LYRM1: variants seen among roughly 807,000 people sequenced by gnomAD.
The protein encoded by LYRM1 is LYR motif containing 1, also known as LYR motif-containing protein 1.
In LYRM1, 14 loss-of-function variants were observed where a neutral mutation model predicts 14.9. The ratio of observed to expected loss-of-function variants is 0.94; its 90% CI spans 0.62 to 1.47. The LOEUF (loss-of-function observed/expected upper bound fraction) is 1.47, where lower values mean the gene tolerates loss of function less well. LYRM1 is among the 40% of genes most tolerant of loss of function. LYRM1 has a pLI of 0.00. For synonymous variants in LYRM1, 43 were observed against 56.2 expected (o/e 0.77, Z 1.05); for missense variants, 153 against 149.9 (o/e 1.02, Z -0.11).
intron 3 of LYRM1, among the ~76,000 whole-genome samples, chr16:20,923,368 C>T (rs1027340569): frequency 8.6e-5 from 13 of 151,642 alleles, no homozygotes; most frequent in Non-Finnish European, 1.8e-4. Flanking sequence ...GGCGTGGTGG[C>T]GAGCACCTAT....
rs1288502995 is a variant in LYRM1, at chr16:20,901,553, A to C, written c.-1+664A>C. 6.6e-6 allele frequency among the ~76,000 whole-genome samples: 1 copy of C among 152,196 alleles called. No homozygotes were observed. Among genetic ancestry groups the C allele is most frequent in the Non-Finnish European group, 1.5e-5 (1 of 68,042 alleles). On this transcript the variant is annotated intron_variant, in intron 1 of 3. Coordinates refer to ENST00000567954, the MANE Select transcript of LYRM1 (RefSeq NM_001128302.3). The surrounding 1 kb of genome is among the most constrained non-coding windows in gnomAD (Gnocchi z 4.6). ...AGAAGAGCCAATGAGAAGGACTTTTAGGTTGGAAACAGCCAGAAGGCCATG... is the reference window on the plus strand; with the variant it reads ...AGAAGAGCCAATGAGAAGGACTTTTCGGTTGGAAACAGCCAGAAGGCCATG...
At chr16:20,921,886 A>G (rs1158350485) in intron 3 of LYRM1, 1 of 152,012 alleles carries the variant, frequency 6.6e-6, no homozygotes, top group Non-Finnish European at 1.5e-5. Context: ...TTCTGTATTC[A>G]TGTACCTACA....
intron 1 of LYRM1, among the ~76,000 whole-genome samples, chr16:20,910,017 C>G (rs937321903): frequency 6.6e-6 from 1 of 152,054 alleles, no homozygotes; most frequent in African/African-American, 2.4e-5. Flanking sequence ...ACAGAGAGCC[C>G]CAACCCAATG....
In LYRM1 at chr16:20,916,335, C is replaced by G. The variant is rs148065553; in HGVS notation, c.159+621C>G. Among the ~76,000 whole-genome samples the G allele has an allele frequency of 4.7e-3, 721 of 152,262 alleles. 5 individuals are homozygous for G. Among genetic ancestry groups the G allele is most frequent in the African/African-American group, 0.016 (658 of 41,548 alleles). ...CCCCCTACAAACCCTAAAGCGTTAG[C>G]TGTTAGCTCCGGGGAAGACCTCCCG... On this transcript the variant is annotated intron_variant, in intron 2 of 3. Coordinates refer to ENST00000567954, the MANE Select transcript of LYRM1 (RefSeq NM_001128302.3).
intron 1 of LYRM1, among the ~76,000 whole-genome samples, chr16:20,904,156 T>C (rs1383664226): frequency 6.6e-6 from 1 of 152,224 alleles, no homozygotes; most frequent in African/African-American, 2.4e-5. Flanking sequence ...CTTCCATTTC[T>C]TTTGAATTGA....
At chr16:20,910,821 T>C (rs535987607) in intron 1 of LYRM1, among the ~76,000 whole-genome samples, 37 of 152,118 alleles carry the variant, frequency 2.4e-4, no homozygotes, top group Non-Finnish European at 2.6e-4. Flanking sequence ...TGATTGAATA[T>C]GCCTGACCTT....
intron 3 of LYRM1, 33 bp downstream of exon 3, chr16:20,920,247 A>G: frequency 6.9e-7 from 1 of 1,453,156 alleles, no homozygotes; most frequent in South Asian, 1.1e-5. Context: ...AGTGCTGGGT[A>G]CTTACCCTCA....
rs1250185669 is a variant in LYRM1 at position 20,901,889 on chromosome 16, G to A, written c.-1+1000G>A. ...GCCTATAAACCCAGTACTTTGGGAG[G>A]CCTAGGCGGGCGGATCACGAGGTCA... On this transcript the variant is annotated intron_variant, in intron 1 of 3. Transcript: ENST00000567954. The surrounding 1 kb of genome is among the most constrained non-coding windows in gnomAD (Gnocchi z 4.6). Among the ~76,000 whole-genome samples, 2 of 152,204 alleles carry A rather than the reference G, an allele frequency of 1.3e-5. No homozygotes were observed. The highest frequency in any genetic ancestry group is 2.4e-5 in the African/African-American group (1 of 41,454).
rs1237413167 is a variant in LYRM1 at position 20,901,193 on chromosome 16, G to C, written c.-1+304G>C. On this transcript the variant is annotated intron_variant, in intron 1 of 3. Transcript: ENST00000567954. The surrounding 1 kb of genome is among the most constrained non-coding windows in gnomAD (Gnocchi z 4.6). ...CCCCGAATGTAAATGGGAGATGGTA[G>C]GGGCCGGTCCGGGGGCGAGAGGTGT... 1 of 152,518 alleles carries C rather than the reference G, an allele frequency of 6.6e-6. No individual in the cohort carries two copies. The highest frequency in any genetic ancestry group is 1.9e-4 in the East Asian group (1 of 5,178). The allele number at this position is 152,518 out of a possible 1,614,324, so 9.4% of individuals were successfully genotyped here.
intron 1 of LYRM1, among the ~76,000 whole-genome samples, chr16:20,904,691 T>TTGTGTGTGTGTGTGTGTGTGTG (rs3841490): frequency 5.0e-5 from 7 of 141,146 alleles, no homozygotes; most frequent in African/African-American, 1.9e-4. Context: ...AAGTCTGTGG[T>TTGTGTGTGTGTGTGTGTGTGTG]TGTGTGTGTG....
At chr16:20,916,930 T>TAC (rs1353645883) in intron 2 of LYRM1, among the ~76,000 whole-genome samples, 1 of 152,008 alleles carries the variant, frequency 6.6e-6, no homozygotes, top group East Asian at 1.9e-4. Flanking sequence ...GGAAAAGTGC[T>TAC]ACAAAGGCTG....
At chr16:20,913,316 TG>T (rs1439585201) in intron 1 of LYRM1, among the ~76,000 whole-genome samples, 2 of 120,462 alleles carry the variant, frequency 1.7e-5, no homozygotes, top group Non-Finnish European at 3.6e-5. Context: ...ATCTTTTCTT[TG>T]TTTTTTTTTT....
chr16:20,916,367 A>C (rs2152547642), intron 2 of LYRM1, among the ~76,000 whole-genome samples: 1 of 152,260 alleles, frequency 6.6e-6, no homozygotes, highest in African/African-American at 2.4e-5. Flanking sequence ...CCCGGCACTA[A>C]GCATGGAAAA....
intron 2 of LYRM1, among the ~76,000 whole-genome samples, chr16:20,917,335 C>T (rs964208133): frequency 6.6e-6 from 1 of 152,026 alleles, no homozygotes; most frequent in Non-Finnish European, 1.5e-5. Flanking sequence ...TTTCATCTTT[C>T]TAAAAAGTCT....
chr16:20,906,167 A>C (rs918836818), intron 1 of LYRM1, among the ~76,000 whole-genome samples: 7 of 152,218 alleles, frequency 4.6e-5, no homozygotes, highest in Admixed American at 1.3e-4. Context: ...GATGAACATT[A>C]TGACAGGGGT....
intron 1 of LYRM1, among the ~76,000 whole-genome samples, chr16:20,904,691 T>TTGTGTGTGTGTGTGTGTGTGTGTG (rs3841490): frequency 7.1e-6 from 1 of 141,060 alleles, no homozygotes; most frequent in South Asian, 2.3e-4. Flanking sequence ...AAGTCTGTGG[T>TTGTGTGTGTGTGTGTGTGTGTGTG]TGTGTGTGTG....
chr16:20,923,713 C>T (rs1258120445), intron 3 of LYRM1, among the ~76,000 whole-genome samples: 3 of 152,136 alleles, frequency 2.0e-5, no homozygotes. Flanking sequence ...GCAAAGAGCA[C>T]AGGCTCTGGA....
At chr16:20,902,258 A>G (rs1001473989) in intron 1 of LYRM1, among the ~76,000 whole-genome samples, 2 of 152,238 alleles carry the variant, frequency 1.3e-5, no homozygotes, top group Non-Finnish European at 2.9e-5. Context: ...TCCCTACGGG[A>G]AAACAGTTTA....
chr16:20,923,609 C>T (rs2083316672), intron 3 of LYRM1, among the ~76,000 whole-genome samples: 2 of 151,970 alleles, frequency 1.3e-5, no homozygotes, highest in African/African-American at 4.8e-5. Flanking sequence ...ATGCACAGAA[C>T]ATCTTTATAT....
Sources: allele counts gnomAD v4.1 joint callset (sites outside exome capture counted in the v4.1 genomes callset), GRCh38; gene constraint gnomAD v4.1.1; non-coding constraint Gnocchi (gnomAD v3.1); transcripts MANE v1.5; gene names NCBI Gene and HGNC (gene_info 2026-07-23, HGNC 2026-07-21).